The following SERTM1 variants were observed in gnomAD, a reference collection of about 807,000 sequenced individuals.
SERTM1 encodes serine-rich and transmembrane domain-containing protein 1.
SERTM1 carries 1 observed loss-of-function variant against 5.5 expected under a neutral mutation model. The observed-to-expected ratio is 0.18, with a 90% CI of 0.06 to 0.86. SERTM1 has a LOEUF of 0.86. Among genes scored for constraint, SERTM1 ranks in the 40% least tolerant of loss-of-function variants. The pLI, the probability that SERTM1 is intolerant of heterozygous loss-of-function variation, is 0.69. For missense variants in SERTM1, 91 were observed against 122.4 expected (o/e 0.74, Z 1.21); for synonymous variants, 52 against 55.1 (o/e 0.94, Z 0.25).
chr13:36,684,919 T>A (rs2138089830), intron 1 of SERTM1, among the ~76,000 whole-genome samples: 1 of 152,362 alleles, frequency 6.6e-6, no homozygotes, highest in Admixed American at 6.5e-5. Flanking sequence ...AACTATCTTC[T>A]ATAGGTCACT....
Position 36,685,727 on chromosome 13 carries a change from G to C in SERTM1, c.-173-9179G>C, listed in dbSNP as rs114445825. 7.2e-3 allele frequency among the ~76,000 whole-genome samples: 1,099 copies of C among 152,280 alleles called. 18 individuals carry two copies. The highest frequency in any genetic ancestry group is 0.025 in the African/African-American group (1,046 of 41,552). On this transcript the variant is annotated intron_variant, in intron 1 of 1. Transcript: ENST00000315190. ...CCCAAACCAAGGTGATTAAGGAGGT[G>C]ATTAAGGCTAGTTATAAGAGTTGTA...
intron 1 of SERTM1, among the ~76,000 whole-genome samples, chr13:36,689,660 T>C (rs1208653287): frequency 2.6e-5 from 4 of 150,986 alleles, no homozygotes; most frequent in Non-Finnish European, 5.9e-5. Flanking sequence ...TATCCTTTTT[T>C]GAAAGATTCT....
intron 1 of SERTM1, among the ~76,000 whole-genome samples, chr13:36,690,577 A>T (rs116783176): frequency 6.6e-6 from 1 of 152,324 alleles, no homozygotes; most frequent in East Asian, 1.9e-4. Context: ...AAAAGAGAAG[A>T]TAATCATGCA....
chr13:36,687,814 A>G (rs998024048), intron 1 of SERTM1, among the ~76,000 whole-genome samples: 39 of 152,208 alleles, frequency 2.6e-4, no homozygotes, highest in Non-Finnish European at 1.3e-4. Context: ...AGAGACCAAC[A>G]AAAAGGTTCT....
Position 36,694,057 on chromosome 13 carries a change from A to G in SERTM1, c.-173-849A>G, listed in dbSNP as rs1473034734. 3.3e-5 allele frequency among the ~76,000 whole-genome samples: 5 copies of G among 152,148 alleles called. 1 individual carries two copies. Among genetic ancestry groups the G allele is most frequent in the East Asian group, 1.9e-4 (1 of 5,192 alleles). On this transcript the variant is annotated intron_variant, in intron 1 of 1. Transcript: ENST00000315190. ...CACACTAAAGTCATTTTTTTCTCCA[A>G]TGCTTTACAGTTCAGCATACTTCCA...
At chr13:36,693,420 G>A (rs751780471) in intron 1 of SERTM1, among the ~76,000 whole-genome samples, 11 of 150,072 alleles carry the variant, frequency 7.3e-5, no homozygotes, top group South Asian at 2.1e-4. Flanking sequence ...CTTAAGGTTG[G>A]TTAGGAACCT....
intron 1 of SERTM1, among the ~76,000 whole-genome samples, chr13:36,688,418 G>T (rs1471860503): frequency 1.3e-5 from 2 of 152,030 alleles, no homozygotes; most frequent in Admixed American, 6.6e-5. Flanking sequence ...TCTTCATGTT[G>T]CCCAGGCTGG....
intron 1 of SERTM1, among the ~76,000 whole-genome samples, chr13:36,694,037 T>TA (rs2138100701): frequency 6.6e-6 from 1 of 152,260 alleles, no homozygotes; most frequent in African/African-American, 2.4e-5. Flanking sequence ...CACCACACAC[T>TA]AAAGTCATTT....
chr13:36,689,772 A>C (rs1192464747), intron 1 of SERTM1, among the ~76,000 whole-genome samples: 1 of 151,782 alleles, frequency 6.6e-6, no homozygotes, highest in African/African-American at 2.4e-5. Flanking sequence ...TAGATAACTA[A>C]TTTTTAAAGA....
intron 1 of SERTM1, among the ~76,000 whole-genome samples, chr13:36,676,152 G>C (rs1048089252): frequency 3.0e-4 from 45 of 152,176 alleles, no homozygotes; most frequent in African/African-American, 9.9e-4. Flanking sequence ...CAGGTTTCCT[G>C]GGTTTCTTTT....
chr13:36,690,943 C>T (rs558600642), intron 1 of SERTM1, among the ~76,000 whole-genome samples: 2 of 152,216 alleles, frequency 1.3e-5, no homozygotes, highest in African/African-American at 2.4e-5. Context: ...ATATAAAGTC[C>T]GCAAGGGAAC....
chr13:36,683,282 A>G (rs2056717976), intron 1 of SERTM1, among the ~76,000 whole-genome samples: 3 of 152,198 alleles, frequency 2.0e-5, no homozygotes, highest in Non-Finnish European at 2.9e-5. Flanking sequence ...TAACACTTCT[A>G]TGAAATTAAA....
intron 1 of SERTM1, among the ~76,000 whole-genome samples, chr13:36,678,603 C>T (rs2056683584): frequency 6.6e-6 from 1 of 150,676 alleles, no homozygotes; most frequent in Non-Finnish European, 1.5e-5. Flanking sequence ...CAACCAACCA[C>T]CATGGCACAT....
At chr13:36,679,306 C>T (rs1242802707) in intron 1 of SERTM1, among the ~76,000 whole-genome samples, 1 of 152,202 alleles carries the variant, frequency 6.6e-6, no homozygotes, top group Non-Finnish European at 1.5e-5. Flanking sequence ...TGAAAGCCTG[C>T]TGTTTGTTGT....
At chr13:36,679,247 A>G (rs1517889) in intron 1 of SERTM1, among the ~76,000 whole-genome samples, 16,632 of 152,304 alleles carry the variant, frequency 0.11, 1,203 homozygotes, top group Non-Finnish European at 0.16. Flanking sequence ...GCATGATGCC[A>G]CAGTGCACAG....
At chr13:36,690,635 T>C (rs1252958656) in intron 1 of SERTM1, among the ~76,000 whole-genome samples, 1 of 152,210 alleles carries the variant, frequency 6.6e-6, no homozygotes, top group Non-Finnish European at 1.5e-5. Context: ...ATGCATTTTC[T>C]AAATAGAATG....
At chr13:36,694,641 T>A (rs1023844253) in intron 1 of SERTM1, among the ~76,000 whole-genome samples, 5 of 152,348 alleles carry the variant, frequency 3.3e-5, no homozygotes, top group Non-Finnish European at 7.3e-5. Flanking sequence ...ATGGAGCACA[T>A]CATAAATGTA....
intron 1 of SERTM1, among the ~76,000 whole-genome samples, chr13:36,687,226 ACT>A (rs1389582093): frequency 6.6e-6 from 1 of 152,164 alleles, no homozygotes; most frequent in Non-Finnish European, 1.5e-5. Context: ...TAAGCGAAAG[ACT>A]CTGTTAGCTT....
At chr13:36,683,826 C>T (rs190009405) in intron 1 of SERTM1, among the ~76,000 whole-genome samples, 48 of 152,286 alleles carry the variant, frequency 3.2e-4, no homozygotes, top group African/African-American at 1.1e-3. Flanking sequence ...CGAGAAGGGA[C>T]ATCAGAAATA....
Sources: gnomAD v4.1 joint callset for allele counts (sites outside exome capture counted in the v4.1 genomes callset) on GRCh38, gnomAD v4.1.1 for gene constraint, MANE v1.5 for transcripts, NCBI Gene and HGNC (gene_info 2026-07-23, HGNC 2026-07-21) for gene names.